KIAA1328: variants seen among roughly 807,000 people sequenced by gnomAD.
The protein encoded by KIAA1328 is KIAA1328.
Under a neutral mutation model 68.1 loss-of-function variants are expected in KIAA1328, and 52 were observed. The ratio of observed to expected loss-of-function variants is 0.76; its 90% CI spans 0.61 to 0.96. The LOEUF (loss-of-function observed/expected upper bound fraction) is 0.96. Ranked by LOEUF, KIAA1328 falls within the 40% of genes least tolerant of loss-of-function variation. The pLI, the probability that KIAA1328 is intolerant of heterozygous loss-of-function variation, is 0.00. For synonymous variants in KIAA1328, 232 were observed against 239.4 expected, an observed-to-expected ratio of 0.97 and a Z score of 0.28; for missense variants, 641 against 677.6, an observed-to-expected ratio of 0.95 and a Z score of 0.60.
chr18:37,146,056 T>G (rs2058890880), intron 7 of KIAA1328, among the ~76,000 whole-genome samples: 1 of 152,134 alleles, frequency 6.6e-6, no homozygotes, highest in South Asian at 2.1e-4. Flanking sequence ...TTCTGCTCCT[T>G]TTTTTGGGGA....
chr18:37,150,203 A>G (rs1311192136), intron 7 of KIAA1328, among the ~76,000 whole-genome samples: 1 of 152,192 alleles, frequency 6.6e-6, no homozygotes, highest in Non-Finnish European at 1.5e-5. Context: ...TATCAATCTT[A>G]CACAAATTAT....
intron 6 of KIAA1328, among the ~76,000 whole-genome samples, chr18:37,052,811 G>A (rs150876879): frequency 3.9e-5 from 6 of 152,100 alleles, no homozygotes; most frequent in East Asian, 1.9e-4. Flanking sequence ...ATCTCTACAC[G>A]AACTAAAAAA....
intron 5 of KIAA1328, chr18:36,946,107 A>G (rs149436889): frequency 1.3e-5 from 2 of 152,174 alleles, no homozygotes; most frequent in Non-Finnish European, 2.9e-5. Context: ...GGGATATTCA[A>G]CCTATACTTC....
Position 37,066,959 on chromosome 18 carries a change from A to G in KIAA1328, c.646A>G (p.Arg216Gly). The change falls in exon 7 of 10, where the codon AGA becomes GGA. Residue 216 changes from arginine (R) to glycine (G), a missense_variant. Coordinates refer to ENST00000280020, the MANE Select transcript of KIAA1328 (RefSeq NM_020776.3). ...GGATGGTTCCTACTTGAGCATAGCC[A>G]GACCACAGACCTACTATCAAACCAA... Reference protein sequence around the residue: ...ELDGSYLSIARPQTYYQTKQR... With the variant: ...ELDGSYLSIAGPQTYYQTKQR... The G allele has an allele frequency of 6.2e-7, 1 of 1,612,682 alleles. No individual in the cohort carries two copies. Among genetic ancestry groups the G allele is most frequent in the Non-Finnish European group, 8.5e-7 (1 of 1,179,248 alleles).
chr18:36,969,193 C>T (rs1377921433), intron 6 of KIAA1328, among the ~76,000 whole-genome samples: 1 of 151,862 alleles, frequency 6.6e-6, no homozygotes, highest in Non-Finnish European at 1.5e-5. Context: ...TTAGAAAGAC[C>T]TCAGATTAAC....
intron 5 of KIAA1328, among the ~76,000 whole-genome samples, chr18:36,900,536 A>G (rs2049003522): frequency 6.6e-6 from 1 of 151,972 alleles, no homozygotes; most frequent in Non-Finnish European, 1.5e-5. Flanking sequence ...ATACTAAATC[A>G]GTTGCTTTAG....
chr18:36,881,994 G>T (rs544539822), intron 4 of KIAA1328, among the ~76,000 whole-genome samples: 23 of 152,292 alleles, frequency 1.5e-4, no homozygotes, highest in African/African-American at 5.3e-4. Context: ...TGGTAACTCT[G>T]TGTTTAACTT....
chr18:37,113,611 A>T (rs904061303), intron 7 of KIAA1328, among the ~76,000 whole-genome samples: 8 of 152,218 alleles, frequency 5.3e-5, no homozygotes, highest in Admixed American at 4.6e-4. Context: ...TAACGAGCAA[A>T]ATAACCAGCT....
intron 7 of KIAA1328, among the ~76,000 whole-genome samples, chr18:37,148,540 G>T (rs939881156): frequency 4.6e-5 from 7 of 152,126 alleles, no homozygotes; most frequent in African/African-American, 1.4e-4. Flanking sequence ...TTGAGGAATC[G>T]CCACACTGTC....
intron 7 of KIAA1328, among the ~76,000 whole-genome samples, chr18:37,159,725 A>G (rs1485902034): frequency 1.3e-5 from 2 of 152,174 alleles, no homozygotes; most frequent in African/African-American, 2.4e-5. Flanking sequence ...GTGCACTGTT[A>G]CACTACTCCT....
chr18:37,186,564 CAAAAA>C (rs397858280), intron 9 of KIAA1328, among the ~76,000 whole-genome samples: 2 of 73,174 alleles, frequency 2.7e-5, no homozygotes, highest in Non-Finnish European at 2.6e-5. Context: ...GAAACCCTAT[CAAAAA>C]AAAAAAAAAA....
At chr18:36,837,598 A>G (rs1199214889) in intron 3 of KIAA1328, among the ~76,000 whole-genome samples, 5 of 151,968 alleles carry the variant, frequency 3.3e-5, no homozygotes, top group Non-Finnish European at 5.9e-5. Flanking sequence ...GATGAAGTTC[A>G]GTTTATCTAG....
At chr18:37,215,085 G>A (rs912686210) in intron 9 of KIAA1328, among the ~76,000 whole-genome samples, 6 of 152,176 alleles carry the variant, frequency 3.9e-5, no homozygotes, top group Non-Finnish European at 8.8e-5. Context: ...ATACCATCAT[G>A]TCATCTGCAA....
chr18:36,967,927 A>G (rs988519662), intron 6 of KIAA1328, among the ~76,000 whole-genome samples: 24 of 152,364 alleles, frequency 1.6e-4, no homozygotes, highest in Non-Finnish European at 3.4e-4. Context: ...CAAGAAATAT[A>G]GGATTACGTA....
At chr18:36,908,571 A>G (rs2166294) in intron 5 of KIAA1328, among the ~76,000 whole-genome samples, 20,681 of 152,060 alleles carry the variant, frequency 0.14, 1,752 homozygotes, top group Admixed American at 0.18. Context: ...TGAACTTTTG[A>G]GCTCAAGCAG....
chr18:36,959,245 C>G, intron 5 of KIAA1328, 63 bp from the exon 6 acceptor site: 1 of 1,432,650 alleles, frequency 7.0e-7, no homozygotes, highest in Non-Finnish European at 9.3e-7. Flanking sequence ...ATATGAAAAG[C>G]AGCATTGATG....
intron 3 of KIAA1328, among the ~76,000 whole-genome samples, chr18:36,841,181 C>G (rs1187201165): frequency 6.6e-6 from 1 of 151,934 alleles, no homozygotes. Context: ...GCAGTGGATC[C>G]CAAAGGTTTG....
downstream of KIAA1328, chr18:37,230,946 C>T (rs1471580674): frequency 6.6e-6 from 1 of 152,198 alleles, no homozygotes; most frequent in Admixed American, 6.5e-5. Flanking sequence ...AGCATCTTGC[C>T]CCTCCCTTCT....
At chr18:37,116,345 G>A (rs1362324403) in intron 7 of KIAA1328, among the ~76,000 whole-genome samples, 1 of 152,142 alleles carries the variant, frequency 6.6e-6, no homozygotes, top group African/African-American at 2.4e-5. Context: ...AGAGCCCTCA[G>A]AAATAATACC....
Sources: gnomAD v4.1 joint callset for allele counts (sites outside exome capture counted in the v4.1 genomes callset) on GRCh38, gnomAD v4.1.1 for gene constraint, MANE v1.5 for transcripts, NCBI Gene and HGNC (gene_info 2026-07-23, HGNC 2026-07-21) for gene names.